SV2B: variants seen among roughly 807,000 people sequenced by gnomAD.
SV2B encodes the protein synaptic vesicle glycoprotein 2B.
In SV2B, 41 loss-of-function variants were observed where a neutral mutation model predicts 73.9. The observed-to-expected ratio is 0.56, with a 90% CI of 0.43 to 0.72. SV2B has a LOEUF of 0.72. SV2B is among the 30% of genes least tolerant of loss of function. The pLI, the probability that SV2B is intolerant of heterozygous loss-of-function variation, is 0.00. For missense variants in SV2B, 764 were observed against 857.8 expected (o/e 0.89, Z 1.37); for synonymous variants, 314 against 314.2 (o/e 1.00, Z 0.01).
At chr15:91,160,133 C>T (rs2043658949) in intron 1 of SV2B, among the ~76,000 whole-genome samples, 1 of 152,086 alleles carries the variant, frequency 6.6e-6, no homozygotes, top group African/African-American at 2.4e-5. Context: ...ATATAAAAAT[C>T]CCTCCAAAAC....
intron 1 of SV2B, among the ~76,000 whole-genome samples, chr15:91,178,135 A>G (rs1378320724): frequency 1.3e-5 from 2 of 151,568 alleles, no homozygotes; most frequent in African/African-American, 2.4e-5. Context: ...CCTTTTCTGC[A>G]TCTATTGAGA....
chr15:91,292,303 A>G, intron 12 of SV2B, 66 bp from the exon 13 acceptor site: 1 of 1,486,056 alleles, frequency 6.7e-7, no homozygotes, highest in Non-Finnish European at 9.1e-7. Flanking sequence ...AGGAAAAGAA[A>G]GAGCCCAGTC....
At chr15:91,277,805 A>C (rs970916365) in intron 9 of SV2B, among the ~76,000 whole-genome samples, 1 of 151,974 alleles carries the variant, frequency 6.6e-6, no homozygotes, top group African/African-American at 2.4e-5. Flanking sequence ...TTGTTCTACT[A>C]TTTTTCTCTT....
At chr15:91,127,561 G>GAA (rs765659814) in intron 1 of SV2B, among the ~76,000 whole-genome samples, 19 of 152,244 alleles carry the variant, frequency 1.2e-4, no homozygotes, top group Non-Finnish European at 2.6e-4. Context: ...TTTCGGGAAA[G>GAA]AAAAGCTCTT....
At position 91,130,062 on chromosome 15, in the gene SV2B, G is replaced by A. The variant is rs1294080634; in HGVS notation, c.-392+29699G>A. On this transcript the variant is annotated intron_variant, in intron 1 of 12. Coordinates refer to ENST00000394232, the MANE Select transcript of SV2B (RefSeq NM_001323032.3). This position sits in a 1 kb window ranked among gnomAD's most constrained non-coding sequence, Gnocchi z 5.6. Reference sequence around the variant, plus strand: ...CAGGCCTGGGGCCACGTGGGCAGCTGTGGCCAGCATGCAGGTCAGGCGTGC... The same window carrying A: ...CAGGCCTGGGGCCACGTGGGCAGCTATGGCCAGCATGCAGGTCAGGCGTGC... Among the ~76,000 whole-genome samples, 1 of 152,232 alleles carries A rather than the reference G, an allele frequency of 6.6e-6. No individual in the cohort carries two copies. Among genetic ancestry groups the A allele is most frequent in the Admixed American group, 6.5e-5 (1 of 15,280 alleles).
rs1033090075 is a variant in SV2B at position 91,137,486 on chromosome 15, A to G, written c.-392+37123A>G. Among the ~76,000 whole-genome samples the G allele has an allele frequency of 6.6e-6, 1 of 151,300 alleles. No homozygotes were observed. The highest frequency in any genetic ancestry group is 1.5e-5 in the Non-Finnish European group (1 of 67,880). On this transcript the variant is annotated intron_variant, in intron 1 of 12. Coordinates refer to ENST00000394232, the MANE Select transcript of SV2B (RefSeq NM_001323032.3). This position sits in a 1 kb window ranked among gnomAD's most constrained non-coding sequence, Gnocchi z 4.9. ...TCAGGCATGAGGTGGAAGACAAATT[A>G]CATGTATATTTACTTTGAGACTCAG... is the stretch of plus-strand genomic sequence containing the variant.
rs1466487976 is a variant in SV2B, at chr15:91,293,248, C to T, written c.*696C>T. On this transcript the variant is annotated 3_prime_UTR_variant, in exon 13 of 13. Coordinates refer to ENST00000394232, the MANE Select transcript of SV2B (RefSeq NM_001323032.3). ...CGGAATGGGATAGTTATTCTGTAAA[C>T]TAAGTTTGTATATAACTTTATTTGG... 6.6e-6 allele frequency: 1 copy of T among 152,184 alleles called. No individual in the cohort carries two copies. The highest frequency in any genetic ancestry group is 1.5e-5 in the Non-Finnish European group (1 of 68,034). The allele number at this position is 152,184 out of a possible 1,614,324, so 9.4% of individuals were successfully genotyped here. A position where few individuals can be genotyped will look rare whatever the true frequency, so the allele number is the denominator to read the frequency against.
At chr15:91,134,642 A>G (rs569188376) in intron 1 of SV2B, among the ~76,000 whole-genome samples, 1 of 152,244 alleles carries the variant, frequency 6.6e-6, no homozygotes, top group Non-Finnish European at 1.5e-5. Context: ...AACATTTAAG[A>G]ACCTCAGCTT....
At position 91,236,730 on chromosome 15, in the gene SV2B, A is replaced by G. The variant is rs1295965663; in HGVS notation, c.451+10016A>G. ...CCATTTACTTTGCTTATAAATCTGC[A>G]GTCTGGGCAGACACCTGGCCCCTAT... On this transcript the variant is annotated intron_variant, in intron 2 of 12. Coordinates refer to ENST00000394232, the MANE Select transcript of SV2B (RefSeq NM_001323032.3). The surrounding 1 kb of genome is among the most constrained non-coding windows in gnomAD (Gnocchi z 4.1). Among the ~76,000 whole-genome samples, 3 of 152,174 alleles carry G rather than the reference A, an allele frequency of 2.0e-5. No homozygotes were observed. The highest frequency in any genetic ancestry group is 7.2e-5 in the African/African-American group (3 of 41,438).
At chr15:91,210,135 G>C (rs1286235939) in intron 1 of SV2B, among the ~76,000 whole-genome samples, 4 of 151,920 alleles carry the variant, frequency 2.6e-5, no homozygotes, top group African/African-American at 9.7e-5. Context: ...ATGGAGATAG[G>C]AATTGGAACA....
At chr15:91,107,598 A>T (rs150284191) in intron 1 of SV2B, among the ~76,000 whole-genome samples, 5,218 of 151,770 alleles carry the variant, frequency 0.034, 305 homozygotes, top group African/African-American at 0.12. Context: ...GGCGTGAGCC[A>T]CCGTGCCCGC....
At position 91,106,729 on chromosome 15, in the gene SV2B, T is replaced by C. The variant is rs1368178240; in HGVS notation, c.-392+6366T>C. Among the ~76,000 whole-genome samples the C allele has an allele frequency of 1.3e-5, 2 of 152,166 alleles. No homozygotes were observed. Among genetic ancestry groups the C allele is most frequent in the Non-Finnish European group, 2.9e-5 (2 of 68,028 alleles). On this transcript the variant is annotated intron_variant, in intron 1 of 12. Transcript: ENST00000394232. The surrounding 1 kb of genome is among the most constrained non-coding windows in gnomAD (Gnocchi z 4.4). The stretch of plus-strand genomic sequence containing the variant: ...GTGGCTGAAATTCAGGGGTGTGATG[T>C]TCTTGGGTTATTATTGTACTGCTCT...
intron 4 of SV2B, among the ~76,000 whole-genome samples, chr15:91,254,381 T>C (rs1290276214): frequency 2.0e-5 from 3 of 151,976 alleles, no homozygotes; most frequent in Middle Eastern, 3.2e-3. Flanking sequence ...GGATTACAGG[T>C]GTGTGCCACC....
chr15:91,186,652 G>T (rs1036748289), intron 1 of SV2B, among the ~76,000 whole-genome samples: 1 of 152,164 alleles, frequency 6.6e-6, no homozygotes, highest in African/African-American at 2.4e-5. Context: ...ATAAATGGAA[G>T]CTAAATAATG....
chr15:91,184,220 G>A (rs2044689795), intron 1 of SV2B, among the ~76,000 whole-genome samples: 1 of 152,126 alleles, frequency 6.6e-6, no homozygotes, highest in African/African-American at 2.4e-5. Context: ...CAACCTTTTG[G>A]CAAGCAACCT....
intron 1 of SV2B, among the ~76,000 whole-genome samples, chr15:91,199,793 T>C (rs1237489748): frequency 6.6e-6 from 1 of 152,182 alleles, no homozygotes; most frequent in Non-Finnish European, 1.5e-5. Flanking sequence ...AGGGTTATTC[T>C]GGGCTGAAGG....
rs527281992 is a variant in SV2B at position 91,272,694 on chromosome 15, C to A, written c.1373+4089C>A. 3.9e-5 allele frequency among the ~76,000 whole-genome samples: 6 copies of A among 152,038 alleles called. No homozygotes were observed. In the South Asian group the frequency reaches 1.2e-3, roughly 32 times the overall value. ...CTCTAAAATGAGGCCGGTAGGATAGCAGGGGGCAGGAAGAGCAGAGAGAGG... is the reference window on the plus strand; with the variant it reads ...CTCTAAAATGAGGCCGGTAGGATAGAAGGGGGCAGGAAGAGCAGAGAGAGG... On this transcript the variant is annotated intron_variant, in intron 9 of 12. Coordinates refer to ENST00000394232, the MANE Select transcript of SV2B (RefSeq NM_001323032.3).
chr15:91,277,136 T>A (rs992666561), intron 9 of SV2B, among the ~76,000 whole-genome samples: 1 of 152,222 alleles, frequency 6.6e-6, no homozygotes, highest in Non-Finnish European at 1.5e-5. Context: ...GTTTTACTCT[T>A]GCTTCTTTGT....
At chr15:91,155,065 G>C (rs2043441138) in intron 1 of SV2B, among the ~76,000 whole-genome samples, 1 of 152,108 alleles carries the variant, frequency 6.6e-6, no homozygotes, top group Non-Finnish European at 1.5e-5. Flanking sequence ...ATATCCCAAA[G>C]TACCGCTTCT....
Sources: allele counts gnomAD v4.1 joint callset (sites outside exome capture counted in the v4.1 genomes callset), GRCh38; gene constraint gnomAD v4.1.1; non-coding constraint Gnocchi (gnomAD v3.1); transcripts MANE v1.5; gene names NCBI Gene and HGNC (gene_info 2026-07-23, HGNC 2026-07-21).